The following CTNNA3 variants were observed in gnomAD, a reference collection of about 807,000 sequenced individuals.
CTNNA3 encodes the protein catenin alpha-3.
CTNNA3 carries 76 observed loss-of-function variants against 95.7 expected under a neutral mutation model. The observed-to-expected ratio is 0.79, with a 90% CI of 0.66 to 0.96. The LOEUF (loss-of-function observed/expected upper bound fraction) is 0.96, where lower values mean the gene tolerates loss of function less well. CTNNA3 is among the 40% of genes least tolerant of loss of function. CTNNA3 has a pLI of 0.00. For synonymous variants in CTNNA3, 431 were observed against 374.4 expected (o/e 1.15, Z -1.74); for missense variants, 1,191 against 1,089.8 (o/e 1.09, Z -1.31).
intron 17 of CTNNA3, among the ~76,000 whole-genome samples, chr10:65,930,358 G>A (rs2077233997): frequency 2.6e-5 from 4 of 152,252 alleles, no homozygotes; most frequent in African/African-American, 9.6e-5. Flanking sequence ...TACCATCCTG[G>A]TGCTGAAGGA....
intron 5 of CTNNA3, among the ~76,000 whole-genome samples, chr10:67,478,357 T>TA (rs533462213): frequency 1.3e-5 from 2 of 152,008 alleles, no homozygotes; most frequent in South Asian, 2.1e-4. Flanking sequence ...GTCAATGTTA[T>TA]AAAAAAAATC....
intron 7 of CTNNA3, among the ~76,000 whole-genome samples, chr10:67,001,254 T>C (rs560475662): frequency 7.1e-6 from 1 of 141,188 alleles, no homozygotes; most frequent in East Asian, 2.1e-4. Flanking sequence ...TGAGCCGAGA[T>C]GGAGCCACTG....
At chr10:66,336,176 TCCCGGGTGAGGCAATGCCTCACCCTG>T (rs1247806698) in intron 12 of CTNNA3, among the ~76,000 whole-genome samples, 2 of 152,000 alleles carry the variant, frequency 1.3e-5, no homozygotes, top group African/African-American at 4.8e-5. Context: ...CCCTTGTGCT[TCCCGGGTGAGGCAATGCCTCACCCTG>T]CTTCGGCTCA....
At chr10:66,615,789 T>C (rs558345221) in intron 10 of CTNNA3, among the ~76,000 whole-genome samples, 1 of 152,042 alleles carries the variant, frequency 6.6e-6, no homozygotes, top group South Asian at 2.1e-4. Context: ...AGAGCAAATG[T>C]CCCTCTCAAC....
chr10:67,641,351 G>GA (rs1839525713), intron 2 of CTNNA3, among the ~76,000 whole-genome samples: 2 of 152,084 alleles, frequency 1.3e-5, no homozygotes, highest in African/African-American at 4.8e-5. Flanking sequence ...AAAAAGTCAG[G>GA]AAAAAACAGG....
chr10:66,872,195 G>A (rs951634575), intron 7 of CTNNA3, among the ~76,000 whole-genome samples: 1 of 151,974 alleles, frequency 6.6e-6, no homozygotes. Context: ...TTTTGTTTTT[G>A]CTCTTTGCAT....
intron 9 of CTNNA3, among the ~76,000 whole-genome samples, chr10:66,712,587 C>T (rs555143613): frequency 5.3e-5 from 8 of 151,752 alleles, no homozygotes; most frequent in Admixed American, 5.2e-4. Context: ...CTCTCACTCT[C>T]TCTCCCTCTC....
At chr10:66,990,439 T>C (rs1305427353) in intron 7 of CTNNA3, among the ~76,000 whole-genome samples, 1 of 152,228 alleles carries the variant, frequency 6.6e-6, no homozygotes, top group Non-Finnish European at 1.5e-5. Context: ...ATTTTGCATA[T>C]GGAATTTCTA....
In CTNNA3 at chr10:67,498,563, A is replaced by G. The variant is rs1001355624; in HGVS notation, c.579+23279T>C. 3.3e-5 allele frequency among the ~76,000 whole-genome samples: 5 copies of G among 152,174 alleles called. No individual in the cohort carries two copies. The East Asian group carries it at 9.6e-4, about 29-fold the overall frequency. ...TCATGATATTGATTTCTCCTATCCA[A>G]GAGCACGAAATGTTTTTCCATTTGT... On this transcript the variant is annotated intron_variant, in intron 5 of 17. Transcript: ENST00000433211.
At chr10:67,718,435 A>G (rs1841157509) in intron 1 of CTNNA3, among the ~76,000 whole-genome samples, 1 of 152,196 alleles carries the variant, frequency 6.6e-6, no homozygotes, top group Admixed American at 6.5e-5. Flanking sequence ...TCAGAATGAT[A>G]CTGACTGTGG....
At chr10:67,737,697 A>G (rs1344581187) in intron 1 of CTNNA3, among the ~76,000 whole-genome samples, 1 of 152,228 alleles carries the variant, frequency 6.6e-6, no homozygotes, top group Non-Finnish European at 1.5e-5. Context: ...AATCAAAACC[A>G]CAATGAGATA....
chr10:66,984,610 C>G (rs946602532), intron 7 of CTNNA3, among the ~76,000 whole-genome samples: 2 of 152,080 alleles, frequency 1.3e-5, no homozygotes, highest in Non-Finnish European at 2.9e-5. Context: ...TTCATGATTC[C>G]TTTTAATATT....
intron 11 of CTNNA3, among the ~76,000 whole-genome samples, chr10:66,424,229 G>A (rs934227721): frequency 1.3e-5 from 2 of 151,842 alleles, no homozygotes; most frequent in South Asian, 2.1e-4. Context: ...CAAGGGCTTT[G>A]TTTATTTTAC....
chr10:67,226,769 C>T (rs1289446856), intron 5 of CTNNA3, among the ~76,000 whole-genome samples: 1 of 152,122 alleles, frequency 6.6e-6, no homozygotes, highest in Admixed American at 6.5e-5. Context: ...CAAAACAGAA[C>T]CTCTTTAAAG....
chr10:66,654,222 T>C (rs1250999484), intron 9 of CTNNA3, among the ~76,000 whole-genome samples: 1 of 151,952 alleles, frequency 6.6e-6, no homozygotes, highest in Non-Finnish European at 1.5e-5. Context: ...AAGGAGTTAA[T>C]ACCAAAAATG....
At chr10:67,583,646 A>C (rs562101982) in intron 3 of CTNNA3, among the ~76,000 whole-genome samples, 106 of 152,264 alleles carry the variant, frequency 7.0e-4, no homozygotes, top group African/African-American at 2.2e-3. Flanking sequence ...TAATATCCTG[A>C]GGAGTGTTTT....
intron 12 of CTNNA3, among the ~76,000 whole-genome samples, chr10:66,366,913 A>G (rs1371186266): frequency 6.6e-6 from 1 of 152,138 alleles, no homozygotes; most frequent in Non-Finnish European, 1.5e-5. Flanking sequence ...AAAATAAATG[A>G]GTTATAACTA....
chr10:66,308,003 C>A (rs1311069487), intron 12 of CTNNA3, among the ~76,000 whole-genome samples: 2 of 152,160 alleles, frequency 1.3e-5, no homozygotes, highest in African/African-American at 4.8e-5. Flanking sequence ...TACTGCCACC[C>A]TAATTTGCAA....
intron 15 of CTNNA3, among the ~76,000 whole-genome samples, chr10:66,065,881 G>T (rs1397910944): frequency 4.6e-5 from 7 of 151,282 alleles, no homozygotes; most frequent in Admixed American, 4.6e-4. Context: ...TTATTTTTTT[G>T]AGACAGAGTT....
Sources: allele counts gnomAD v4.1 joint callset (sites outside exome capture counted in the v4.1 genomes callset), GRCh38; gene constraint gnomAD v4.1.1; transcripts MANE v1.5; gene names NCBI Gene and HGNC (gene_info 2026-07-23, HGNC 2026-07-21).